The following SSC5D variants were observed in gnomAD, a reference collection of about 807,000 sequenced individuals.
The protein encoded by SSC5D is scavenger receptor cysteine rich family member with 5 domains.
SSC5D carries 106 observed loss-of-function variants against 104.6 expected under a neutral mutation model. The ratio of observed to expected loss-of-function variants is 1.01; its 90% CI spans 0.87 to 1.19. SSC5D has a LOEUF of 1.19. Among genes scored for constraint, SSC5D ranks in the 50% most tolerant of loss-of-function variants. The pLI is 0.00. For synonymous variants in SSC5D, 860 were observed against 883.5 expected, an observed-to-expected ratio of 0.97 and a Z score of 0.47; for missense variants, 1,993 against 2,153.8, an observed-to-expected ratio of 0.93 and a Z score of 1.48.
At chr19:55,516,924 C>T (rs1252504028) in intron 13 of SSC5D, among the ~76,000 whole-genome samples, 2 of 151,880 alleles carry the variant, frequency 1.3e-5, no homozygotes, top group Middle Eastern at 3.2e-3. Flanking sequence ...CAGCACCCCA[C>T]GCATCCCTCC....
chr19:55,493,594 G>T lies in SSC5D; in HGVS notation c.896-1G>T, dbSNP rs1257305847. The stretch of plus-strand genomic sequence containing the variant: ...CCTGTGCTCCCTCTCCCACTATCCA[G>T]GCCCAGCACCTCGGCTGCGCCTGGC... On this transcript the variant is annotated splice_acceptor_variant, in intron 6 of 13. Transcript: ENST00000389623. LOFTEE classifies it high-confidence loss of function. 2.8e-6 allele frequency: 4 copies of T among 1,447,992 alleles called. No homozygotes were observed. The highest frequency in any genetic ancestry group is 3.6e-6 in the Non-Finnish European group (4 of 1,113,794). 89.7% of individuals were successfully genotyped at this position (1,447,992 alleles called of 1,614,324 possible).
At chr19:55,507,737 C>T (rs1325956768) in intron 12 of SSC5D, among the ~76,000 whole-genome samples, 2 of 151,666 alleles carry the variant, frequency 1.3e-5, no homozygotes, top group Non-Finnish European at 2.9e-5. Flanking sequence ...GTGAGAAGGC[C>T]CTGAGGCCCT....
rs1471211992 is a variant in SSC5D, at chr19:55,503,948, C to T, written c.2785+2747C>T. ...CAGGCGCGCTGCGCCTCCTGATTGG[C>T]CAGCCGGCGCATCGCCCGCAGTAAT... On this transcript the variant is annotated intron_variant, in intron 12 of 13. Coordinates refer to ENST00000389623, the MANE Select transcript of SSC5D (RefSeq NM_001144950.2). This position sits in a 1 kb window ranked among gnomAD's most constrained non-coding sequence, Gnocchi z 4.0. Among the ~76,000 whole-genome samples, 2 of 152,240 alleles carry T rather than the reference C, an allele frequency of 1.3e-5. No individual in the cohort carries two copies. Among genetic ancestry groups the T allele is most frequent in the Admixed American group, 1.3e-4 (2 of 15,288 alleles).
rs752604366 is a variant in SSC5D, at chr19:55,489,569, C to T, written c.268C>T (p.Arg90Trp). The T allele has an allele frequency of 1.1e-5, 17 of 1,510,894 alleles. No individual in the cohort carries two copies. The highest frequency in any genetic ancestry group is 1.8e-4 in the Middle Eastern group (1 of 5,670). The allele number at this position is 1,510,894 out of a possible 1,614,324, so 93.6% of individuals were successfully genotyped here. Residue 90 changes from arginine to tryptophan, a missense_variant, in exon 3 of 14, where the codon CGG becomes TGG. Physicochemically the swap from Arg to Trp is moderately radical, Grantham distance 101. This residue lies in a region of SSC5D where 1,101 missense variants were observed against 1,085.0 expected (regional missense o/e 1.01). Coordinates refer to ENST00000389623, the MANE Select transcript of SSC5D (RefSeq NM_001144950.2). ...GPVWLSELACRGNEGQLGLCH... is the reference protein window; with the variant it reads ...GPVWLSELACWGNEGQLGLCH... The stretch of plus-strand genomic sequence containing the variant: ...TGTGTGGCTCAGCGAGCTGGCTTGC[C>T]GGGGCAACGAGGGGCAGCTGGGCCT...
Position 55,499,922 on chromosome 19 carries a change from C to T in SSC5D, c.1812C>T (p.Pro604=). The T allele has an allele frequency of 6.4e-7, 1 of 1,551,822 alleles. No homozygotes were observed. Among genetic ancestry groups the T allele is most frequent in the Non-Finnish European group, 8.7e-7 (1 of 1,147,030 alleles). The change falls in exon 10 of 14, where the codon CCC becomes CCT. Residue 604 remains proline (P), a synonymous_variant. Coordinates refer to ENST00000389623, the MANE Select transcript of SSC5D (RefSeq NM_001144950.2). ...TCCCGGGAGAGCTGGCCACCAAGCCCTCTGCAAGTGTGACTGCCAGTGTTC... is the reference window on the plus strand; with the variant it reads ...TCCCGGGAGAGCTGGCCACCAAGCCTTCTGCAAGTGTGACTGCCAGTGTTC... ...AWLPGELATK[P]SASVTASVLE... is the part of the protein sequence containing the mutation.
intron 13 of SSC5D, among the ~76,000 whole-genome samples, chr19:55,516,150 A>T (rs561613916): frequency 3.7e-5 from 5 of 136,416 alleles, no homozygotes; most frequent in Admixed American, 1.5e-4. Flanking sequence ...AGTATTTTTT[A>T]AAATGAAAAT....
rs572149631 is a variant in SSC5D at position 55,503,345 on chromosome 19, C to G, written c.2785+2144C>G. 6.6e-6 allele frequency among the ~76,000 whole-genome samples: 1 copy of G among 152,154 alleles called. No homozygotes were observed. Among genetic ancestry groups the G allele is most frequent in the Non-Finnish European group, 1.5e-5 (1 of 68,048 alleles). ...GTCGGTTTTGCTATATCACCTCATACTCTCATCGTCTCCATTTCTCACTGC... is the reference window on the plus strand; with the variant it reads ...GTCGGTTTTGCTATATCACCTCATAGTCTCATCGTCTCCATTTCTCACTGC... On this transcript the variant is annotated intron_variant, in intron 12 of 13. Coordinates refer to ENST00000389623, the MANE Select transcript of SSC5D (RefSeq NM_001144950.2). The surrounding 1 kb of genome is among the most constrained non-coding windows in gnomAD (Gnocchi z 4.0).
At chr19:55,489,758 G>A in intron 3 of SSC5D, 96 bp downstream of exon 3, 2 of 1,497,220 alleles carry the variant, frequency 1.3e-6, no homozygotes, top group South Asian at 1.2e-5. Context: ...GTGTTCAGCA[G>A]TTCAGAGACA....
intron 13 of SSC5D, among the ~76,000 whole-genome samples, chr19:55,515,740 A>AT (rs1431091121): frequency 1.3e-5 from 2 of 149,918 alleles, no homozygotes; most frequent in African/African-American, 5.0e-5. Context: ...TCAAAAAAAA[A>AT]AATAAAATAA....
intron 13 of SSC5D, among the ~76,000 whole-genome samples, chr19:55,515,230 C>A (rs755005306): frequency 3.3e-5 from 5 of 151,262 alleles, no homozygotes; most frequent in Non-Finnish European, 5.9e-5. Flanking sequence ...CCCATCTCTA[C>A]TAAAAATACA....
chr19:55,497,962 C>A lies in SSC5D; in HGVS notation c.1470C>A (p.Thr490=). The A allele has an allele frequency of 1.9e-6, 3 of 1,551,784 alleles. No individual in the cohort carries two copies. Among genetic ancestry groups the A allele is most frequent in the Non-Finnish European group, 2.6e-6 (3 of 1,147,004 alleles). The change falls in exon 9 of 14, where the codon ACC becomes ACA. Residue 490 remains threonine, a synonymous_variant. Transcript: ENST00000389623. ...TGTGGCATGACCAGCGCTGGGGGAC[C>A]GTGTGTGACGATAGCTGGGACATGC... ...LEVWHDQRWG[T]VCDDSWDMRD...
In SSC5D at chr19:55,512,484, C is replaced by CT. The variant is rs67986371; in HGVS notation, c.2786-512dup. Among the ~76,000 whole-genome samples, 25 of 140,178 alleles carry CT rather than the reference C, an allele frequency of 1.8e-4. 1 individual carries two copies. Among genetic ancestry groups the CT allele is most frequent in the East Asian group, 4.2e-4 (2 of 4,814 alleles). The allele number at this position is 140,178 out of a possible 152,430, so 92.0% of individuals were successfully genotyped here. ...CTTGAGGAATTAAAATAATAAATTC[C>CT]TTTTTTTTTTTTTTTGAGGCGGTGT... On this transcript the variant is annotated intron_variant, in intron 12 of 13. Transcript: ENST00000389623.
chr19:55,500,354 T>G lies in SSC5D; in HGVS notation c.2244T>G (p.Ser748=). 1 of 1,551,438 alleles carries G rather than the reference T, an allele frequency of 6.4e-7. No homozygotes were observed. Among genetic ancestry groups the G allele is most frequent in the Non-Finnish European group, 8.7e-7 (1 of 1,146,976 alleles). ...LEPSAEIPEG[S]PESPKDPAPS... ...CATCTGCTGAGATCCCAGAAGGGTC[T>G]CCAGAGTCACCCAAAGACCCGGCCC... The change falls in exon 10 of 14, where the codon TCT becomes TCG. Residue 748 remains serine (S), a synonymous_variant. Coordinates refer to ENST00000389623, the MANE Select transcript of SSC5D (RefSeq NM_001144950.2). This position sits in a 1 kb window ranked among gnomAD's most constrained non-coding sequence, Gnocchi z 4.6.
At chr19:55,509,663 C>T (rs1252458162) in intron 12 of SSC5D, among the ~76,000 whole-genome samples, 2 of 150,750 alleles carry the variant, frequency 1.3e-5, no homozygotes, top group Admixed American at 6.6e-5. Flanking sequence ...TCGAGACCAG[C>T]CTGGCCAACA....
In SSC5D at chr19:55,488,567, C is replaced by T. The variant is rs1232153299; in HGVS notation, c.-23C>T. 1.3e-6 allele frequency: 2 copies of T among 1,550,218 alleles called. No individual in the cohort carries two copies. Among genetic ancestry groups the T allele is most frequent in the South Asian group, 1.2e-5 (1 of 83,992 alleles). On this transcript the variant is annotated 5_prime_UTR_variant, in exon 1 of 14. Coordinates refer to ENST00000389623, the MANE Select transcript of SSC5D (RefSeq NM_001144950.2). Reference sequence around the variant, plus strand: ...CCCCGCTCTCCTTCCCCTTTCACCCCATCCCCTGCCCTGGCTGCAACCATG... The same window carrying T: ...CCCCGCTCTCCTTCCCCTTTCACCCTATCCCCTGCCCTGGCTGCAACCATG...
In SSC5D at chr19:55,518,393, C is replaced by T. The variant is rs1266461511; in HGVS notation, c.4117C>T (p.Pro1373Ser). 3 of 1,551,204 alleles carry T rather than the reference C, an allele frequency of 1.9e-6. No individual in the cohort carries two copies. The highest frequency in any genetic ancestry group is 2.6e-6 in the Non-Finnish European group (3 of 1,146,950). ...HPQLTFTAPA[P>S]HTSTSQIPTL... The stretch of plus-strand genomic sequence containing the variant: ...CCAGTTGACCTTCACAGCACCTGCC[C>T]CTCACACCTCCACATCCCAGATACC... Residue 1373 changes from proline to serine, a missense_variant, in exon 14 of 14, where the codon CCT becomes TCT. Physicochemically the swap from Pro to Ser is moderately conservative, Grantham distance 74. Around this residue, in one of 6 missense-constraint regions of SSC5D, gnomAD observed 349 missense variants for 397.6 expected, o/e 0.88. Transcript: ENST00000389623.
rs1987898442 is a variant in SSC5D, at chr19:55,517,431, C to T, written c.3155C>T (p.Pro1052Leu). 1.3e-6 allele frequency: 2 copies of T among 1,550,970 alleles called. No homozygotes were observed. Among genetic ancestry groups the T allele is most frequent in the Admixed American group, 3.9e-5 (2 of 50,958 alleles). The change falls in exon 14 of 14, where the codon CCA becomes CTA. Residue 1052 changes from proline (P) to leucine (L), a missense_variant. Coordinates refer to ENST00000389623, the MANE Select transcript of SSC5D (RefSeq NM_001144950.2). The stretch of plus-strand genomic sequence containing the variant: ...GCTCCGGACACTTCACCACCCACCC[C>T]AGACCCGGCCTCCCGGACGAACCCC... ...SDAPDTSPPTPDPASRTNPDL... is the reference protein window; with the variant it reads ...SDAPDTSPPTLDPASRTNPDL...
At chr19:55,499,446 T>C (rs1485339533) in intron 9 of SSC5D, among the ~76,000 whole-genome samples, 1 of 151,798 alleles carries the variant, frequency 6.6e-6, no homozygotes, top group Admixed American at 6.6e-5. Flanking sequence ...CCACTGGTGG[T>C]CAGTAAGAAT....
Position 55,513,112 on chromosome 19 carries a change from G to A in SSC5D, c.2887G>A (p.Gly963Arg). ...CGCAGGCAAACTAGGACCAACTCTT[G>A]GGGCTGGCACCACCAGGAGCCCAGG... The part of the protein sequence containing the change: ...PTAGKLGPTL[G>R]AGTTRSPGSP... Residue 963 changes from glycine (G) to arginine (R), a missense_variant, in exon 13 of 14, where the codon GGG becomes AGG. Gly to Arg is a moderately radical substitution (Grantham distance 125, BLOSUM62 -2). This residue lies in a region of SSC5D where 423 missense variants were observed against 409.2 expected (regional missense o/e 1.03). Coordinates refer to ENST00000389623, the MANE Select transcript of SSC5D (RefSeq NM_001144950.2). 3.2e-6 allele frequency: 5 copies of A among 1,545,586 alleles called. No individual in the cohort carries two copies. Among genetic ancestry groups the A allele is most frequent in the African/African-American group, 2.7e-5 (2 of 72,872 alleles).
Sources: allele counts gnomAD v4.1 joint callset (sites outside exome capture counted in the v4.1 genomes callset), GRCh38; gene constraint gnomAD v4.1.1; regional missense constraint gnomAD v4.1.1; non-coding constraint Gnocchi (gnomAD v3.1); transcripts MANE v1.5; gene names NCBI Gene and HGNC (gene_info 2026-07-23, HGNC 2026-07-21).